Variants in RSRP1 observed in about 807,000 individuals in gnomAD.
RSRP1 encodes the protein arginine/serine-rich protein 1.
In RSRP1, 37 loss-of-function variants were observed where a neutral mutation model predicts 33.0. The observed-to-expected ratio is 1.12, with a 90% confidence interval of 0.86 to 1.48. RSRP1 has a LOEUF of 1.48. RSRP1 is among the 40% of genes most tolerant of loss of function. RSRP1 has a pLI of 0.00. For missense variants in RSRP1, 402 were observed against 385.3 expected, an observed-to-expected ratio of 1.04 and a Z score of -0.36; for synonymous variants, 167 against 158.7, an observed-to-expected ratio of 1.05 and a Z score of -0.40.
Position 25,246,840 on chromosome 1 carries a change from T to A in RSRP1, c.124A>T (p.Ser42Cys). ...SRSRSRSFSR[S>C]SRSHSRVSSR... is the part of the protein sequence containing the mutation. Reference sequence around the variant, plus strand: ...GAGACGCGGGAATGGGACCGAGAGCTTCTGGAAAAAGAGCGGCTCCTAGAC... The same window carrying A: ...GAGACGCGGGAATGGGACCGAGAGCATCTGGAAAAAGAGCGGCTCCTAGAC... The change falls in exon 2 of 5, where the codon AGC (serine) becomes TGC (cysteine). Residue 42 changes from serine to cysteine, a missense_variant. Coordinates refer to ENST00000243189, the MANE Select transcript of RSRP1 (RefSeq NM_020317.5). The A allele has an allele frequency of 6.2e-7, 1 of 1,612,942 alleles. No homozygotes were observed.
At chr1:25,306,510 C>A in intron 1 of RSRP1, 1 of 1,238,552 alleles carries the variant, frequency 8.1e-7, no homozygotes, top group Non-Finnish European at 1.2e-6. Context: ...CCTTTGGTGG[C>A]CCCGGATACC....
At chr1:25,261,855 G>A (rs1224230818) in intron 1 of RSRP1, among the ~76,000 whole-genome samples, 2 of 151,326 alleles carry the variant, frequency 1.3e-5, no homozygotes, top group East Asian at 3.9e-4. Context: ...GGGATCACAG[G>A]CACACGCCAC....
chr1:25,300,778 C>T (rs1643322846), intron 1 of RSRP1, among the ~76,000 whole-genome samples: 1 of 132,220 alleles, frequency 7.6e-6, no homozygotes, highest in Non-Finnish European at 1.8e-5. Context: ...CATTGCACTC[C>T]AGCCTGGGCA....
At position 25,280,269 on chromosome 1, in the gene RSRP1, A is replaced by T. The variant is rs78240592; in HGVS notation, c.-66-33240T>A. On this transcript the variant is annotated intron_variant, in intron 1 of 1. Coordinates refer to the RSRP1 transcript ENST00000561867. ...GGGATCAGGGGCAGCAGCTGTGCCC[A>T]ATAAAGCCCCCACCCAGGATCCTCT... 2.4e-5 allele frequency among the ~76,000 whole-genome samples: 3 copies of T among 125,640 alleles called. 1 individual carries two copies. Among genetic ancestry groups the T allele is most frequent in the Admixed American group, 7.7e-5 (1 of 13,048 alleles). The allele number at this position is 125,640 out of a possible 152,430, so 82.4% of individuals were successfully genotyped here. A position where few individuals can be genotyped will look rare whatever the true frequency, so the allele number is the denominator to read the frequency against.
intron 1 of RSRP1, among the ~76,000 whole-genome samples, chr1:25,257,277 TA>T (rs1472649416): frequency 6.6e-6 from 1 of 152,196 alleles, no homozygotes; most frequent in Non-Finnish European, 1.5e-5. Context: ...ATTAAGGTTT[TA>T]ATTTATTTTT....
chr1:25,260,165 T>C (rs1052499236), intron 1 of RSRP1, among the ~76,000 whole-genome samples: 7 of 152,376 alleles, frequency 4.6e-5, no homozygotes, highest in South Asian at 2.1e-4. Flanking sequence ...AGTCACTGAA[T>C]ATAGCTATAT....
chr1:25,287,853 A>C (rs1287493463), intron 1 of RSRP1, among the ~76,000 whole-genome samples: 2 of 93,954 alleles, frequency 2.1e-5, no homozygotes, highest in Non-Finnish European at 5.8e-5. Context: ...TCCTGAGTTA[A>C]ATTTTTTTAC....
intron 1 of RSRP1, among the ~76,000 whole-genome samples, chr1:25,277,940 C>T (rs1641158602): frequency 7.5e-6 from 1 of 133,364 alleles, no homozygotes; most frequent in South Asian, 2.3e-4. Context: ...TCCCAAAGTG[C>T]TGGGATTACA....
At position 25,246,691 on chromosome 1, in the gene RSRP1, G is replaced by C; in HGVS notation, c.273C>G (p.Arg91=). ...YSRSRSRSRS[R]RYRERRYGFT... is the part of the protein sequence containing the mutation. ...ACCCGTAGCGCCTCTCTCGGTAACG[G>C]CGGCTGCGGGATCGCGACCGGCTCC... The change falls in exon 2 of 5, where the codon CGC becomes CGG. Residue 91 remains arginine (R), a synonymous_variant. Coordinates refer to ENST00000243189, the MANE Select transcript of RSRP1 (RefSeq NM_020317.5). 6.2e-7 allele frequency: 1 copy of C among 1,608,284 alleles called. No individual in the cohort carries two copies. The highest frequency in any genetic ancestry group is 1.1e-5 in the South Asian group (1 of 90,980).
rs748994167 is a variant in RSRP1, at chr1:25,243,606, T to C, written c.700A>G (p.Thr234Ala). 7 of 1,613,806 alleles carry C rather than the reference T, an allele frequency of 4.3e-6. No individual in the cohort carries two copies. The East Asian group carries it at 1.6e-4, about 36-fold the overall frequency. Residue 234 changes from threonine (T) to alanine (A), a missense_variant, in exon 4 of 5, where the codon ACT (threonine) becomes GCT (alanine). Coordinates refer to ENST00000243189, the MANE Select transcript of RSRP1 (RefSeq NM_020317.5). The part of the protein sequence containing the change: ...ELSEKVTEDG[T>A]RNPNEKPTQQ... ...GTAGGTTTTTCATTGGGATTTCGAG[T>C]TCCATCTTCTGTTACCTTTTCCGAC... is the stretch of plus-strand genomic sequence containing the variant.
At chr1:25,294,316 C>T (rs550273104) in intron 1 of RSRP1, 2 of 1,213,380 alleles carry the variant, frequency 1.6e-6, no homozygotes, top group Admixed American at 3.6e-5. Context: ...TCAGTAACAA[C>T]TTGTCCAAGG....
rs200714253 is a variant in RSRP1 at position 25,301,136 on chromosome 1, C to G, written c.-67+36842G>C. On this transcript the variant is annotated intron_variant, in intron 1 of 1. Coordinates refer to the RSRP1 transcript ENST00000561867. ...TGAGTGGTCTCCTACTTGGGCTGAG[C>G]AGAATGGCTCAGAAAAGGCTCTGGC... is the stretch of plus-strand genomic sequence containing the variant. 5.8e-5 allele frequency: 78 copies of G among 1,352,550 alleles called. 7 individuals are homozygous for G. The Admixed American group carries it at 1.3e-3, about 22-fold the overall frequency. 83.8% of individuals were successfully genotyped at this position (1,352,550 alleles called of 1,614,324 possible).
In RSRP1 at chr1:25,282,844, G is replaced by A. The variant is rs550762954; in HGVS notation, c.-66-35815C>T. On this transcript the variant is annotated intron_variant, in intron 1 of 1. Transcript: ENST00000561867. ...CGGGAGGTGGAGGTTGCAGCGAGCCGAGATCGCACCACTGCACTCCAACCT... is the reference window on the plus strand; with the variant it reads ...CGGGAGGTGGAGGTTGCAGCGAGCCAAGATCGCACCACTGCACTCCAACCT... 4.6e-5 allele frequency among the ~76,000 whole-genome samples: 6 copies of A among 129,512 alleles called. 1 individual carries two copies. The highest frequency in any genetic ancestry group is 7.3e-5 in the Non-Finnish European group (4 of 54,648). 85.0% of individuals were successfully genotyped at this position (129,512 alleles called of 152,430 possible).
At position 25,280,308 on chromosome 1, in the gene RSRP1, C is replaced by CTT. The variant is rs76220916; in HGVS notation, c.-66-33281_-66-33280dup. 7.1e-5 allele frequency among the ~76,000 whole-genome samples: 8 copies of CTT among 113,074 alleles called. 2 individuals are homozygous for CTT. Among genetic ancestry groups the CTT allele is most frequent in the African/African-American group, 1.8e-4 (6 of 33,298 alleles). 74.2% of individuals were successfully genotyped at this position (113,074 alleles called of 152,430 possible). ...CCAGGATCCTCTGACTTCCTCATCT[C>CTT]TTTTTTTTTTTTTTTGAGCTGCAGT... On this transcript the variant is annotated intron_variant, in intron 1 of 1. Coordinates refer to the RSRP1 transcript ENST00000561867.
At chr1:25,312,109 CT>C (rs1644182577) in intron 1 of RSRP1, among the ~76,000 whole-genome samples, 2 of 97,708 alleles carry the variant, frequency 2.0e-5, no homozygotes, top group African/African-American at 7.1e-5. Flanking sequence ...CTCCCCGAAG[CT>C]TCGGGGGTCC....
intron 1 of RSRP1, chr1:25,284,432 G>C: frequency 1.2e-6 from 1 of 845,848 alleles, no homozygotes; most frequent in South Asian, 1.5e-5. Flanking sequence ...GAGGCTCAAA[G>C]AGGCAAAGTA....
At chr1:25,255,857 G>A (rs1264087276) in intron 1 of RSRP1, among the ~76,000 whole-genome samples, 3 of 152,098 alleles carry the variant, frequency 2.0e-5, no homozygotes, top group Admixed American at 6.6e-5. Context: ...CTGATCTGAC[G>A]AGAGGTGGAG....
rs1571719513 is a variant in RSRP1, at chr1:25,312,919, C to CAAAAAAAAAAAAAAA, written c.-67+25058_-67+25059insTTTTTTTTTTTTTTT. 5.5e-4 allele frequency among the ~76,000 whole-genome samples: 2 copies of CAAAAAAAAAAAAAAA among 3,618 alleles called. 1 individual carries two copies. Among genetic ancestry groups the CAAAAAAAAAAAAAAA allele is most frequent in the Non-Finnish European group, 2.1e-3 (2 of 974 alleles). 2.4% of individuals were successfully genotyped at this position (3,618 alleles called of 152,430 possible). A position where few individuals can be genotyped will look rare whatever the true frequency, so the allele number is the denominator to read the frequency against. Reference sequence around the variant, plus strand: ...TGGATGATAGAGCAAAATCCCATCTCTAAAAAAAAAAAAAAAAAAAAAAAA... The same window carrying CAAAAAAAAAAAAAAA: ...TGGATGATAGAGCAAAATCCCATCTCAAAAAAAAAAAAAAATAAAAAAAAAAAAAAAAAAAAAAAA... On this transcript the variant is annotated intron_variant, in intron 1 of 1. Coordinates refer to the RSRP1 transcript ENST00000561867.
Position 25,291,475 on chromosome 1 carries a change from T to A in RSRP1, c.-66-44446A>T, listed in dbSNP as rs1274972151. ...CAAGAGCAAGACTTCATCTCAAATT[T>A]AAAATAAAGAAAAAAGAAAAGAAAA... On this transcript the variant is annotated intron_variant, in intron 1 of 1. Transcript: ENST00000561867. Among the ~76,000 whole-genome samples the A allele has an allele frequency of 1.5e-5, 2 of 129,522 alleles. 1 individual carries two copies. Among genetic ancestry groups the A allele is most frequent in the Non-Finnish European group, 3.6e-5 (2 of 54,848 alleles). The allele number at this position is 129,522 out of a possible 152,430, so 85.0% of individuals were successfully genotyped here.
Sources: allele counts gnomAD v4.1 joint callset (sites outside exome capture counted in the v4.1 genomes callset), GRCh38; gene constraint gnomAD v4.1.1; transcripts MANE v1.5; gene names NCBI Gene and HGNC (gene_info 2026-07-23, HGNC 2026-07-21).